PKD2L1: variants seen among roughly 807,000 people sequenced by gnomAD.
PKD2L1 encodes polycystin 2 like 1, transient receptor potential cation channel, also known as polycystin-2-like protein 1.
PKD2L1 carries 77 observed loss-of-function variants against 93.0 expected under a neutral mutation model. The observed-to-expected ratio is 0.83, with a 90% CI of 0.69 to 1.00. The LOEUF is 1.00. PKD2L1 is among the 50% of genes least tolerant of loss of function. The pLI, the probability that PKD2L1 is intolerant of heterozygous loss-of-function variation, is 0.00. For synonymous variants in PKD2L1, 390 were observed against 388.0 expected, an observed-to-expected ratio of 1.01 and a Z score of -0.06; for missense variants, 977 against 990.9, an observed-to-expected ratio of 0.99 and a Z score of 0.19.
At chr10:100,293,091 C>T in intron 10 of PKD2L1, 22 bp from the exon 11 acceptor site, 2 of 1,610,292 alleles carry the variant, frequency 1.2e-6, no homozygotes, top group Non-Finnish European at 8.5e-7. Context: ...AGGAAATAGG[C>T]ACAAGTTCTC....
chr10:100,298,572 T>C lies in PKD2L1; in HGVS notation c.721A>G (p.Asn241Asp). 6.2e-7 allele frequency: 1 copy of C among 1,614,140 alleles called. No individual in the cohort carries two copies. Among genetic ancestry groups the C allele is most frequent in the Non-Finnish European group, 8.5e-7 (1 of 1,180,000 alleles). Residue 241 changes from asparagine to aspartate, a missense_variant, in exon 4 of 16, where the codon AAT becomes GAT. Physicochemically the swap from Asn to Asp is conservative, Grantham distance 23. Transcript: ENST00000318222. The part of the protein sequence containing the change: ...KEEQLPFGPF[N>D]GTAWTYHSQD... The stretch of plus-strand genomic sequence containing the variant: ...GACAGGCTCACTCACGCTGTGCCAT[T>C]GAAGGGCCCAAAGGGGAGTTGTTCT...
chr10:100,303,658 G>A (rs542336969), intron 2 of PKD2L1, among the ~76,000 whole-genome samples: 59 of 152,084 alleles, frequency 3.9e-4, no homozygotes, highest in Non-Finnish European at 7.1e-4. Context: ...TGGCAAAGAA[G>A]GAAACATTAT....
rs1248962919 is a variant in PKD2L1 at position 100,305,104 on chromosome 10, CTCT to C, written c.350-5389_350-5387del. ...AGAAATGAAATAAGTGAATCATTTTCTCTTCTTGTCTTTTTTTTTTTTTTTGAG... is the reference window on the plus strand; with the variant it reads ...AGAAATGAAATAAGTGAATCATTTTCTCTTGTCTTTTTTTTTTTTTTTGAG... On this transcript the variant is annotated intron_variant, in intron 2 of 15. Transcript: ENST00000318222. Among the ~76,000 whole-genome samples the C allele has an allele frequency of 3.5e-5, 5 of 141,856 alleles. No homozygotes were observed. The East Asian group carries it at 1.1e-3, about 31-fold the overall frequency. The allele number at this position is 141,856 out of a possible 152,430, so 93.1% of individuals were successfully genotyped here.
At chr10:100,321,665 A>AAGAAAG (rs1436657116) in intron 2 of PKD2L1, among the ~76,000 whole-genome samples, 2 of 630 alleles carry the variant, frequency 3.2e-3, no homozygotes, top group African/African-American at 9.2e-3. Context: ...AGAGTGAGAA[A>AAGAAAG]AGAAAGAAAG....
At chr10:100,296,424 A>C in intron 6 of PKD2L1, 132 bp from the exon 7 acceptor site, 1 of 622,632 alleles carries the variant, frequency 1.6e-6, no homozygotes, top group South Asian at 2.5e-5. Context: ...TGACTTGTTC[A>C]CTATCTCAGT....
intron 1 of PKD2L1, 91 bp from the exon 2 acceptor site, chr10:100,329,415 T>C (rs1301750363): frequency 6.4e-7 from 1 of 1,569,104 alleles, no homozygotes; most frequent in African/African-American, 1.3e-5. Flanking sequence ...TTAGCCCCTT[T>C]CCACCCCTGC....
rs1167738035 is a variant in PKD2L1, at chr10:100,292,947, C to T, written c.1880+1G>A. The T allele has an allele frequency of 2.5e-6, 4 of 1,611,780 alleles. No individual in the cohort carries two copies. The highest frequency in any genetic ancestry group is 2.5e-6 in the Non-Finnish European group (3 of 1,178,982). On this transcript the variant is annotated splice_donor_variant, in intron 11 of 15. Coordinates refer to ENST00000318222, the MANE Select transcript of PKD2L1 (RefSeq NM_016112.3). LOFTEE classifies it high-confidence loss of function. ...AGAAGGCTGGGTCTCTGGTTGCTCA[C>T]TCCCTTAAGGTGTTGGTGAAATCCT...
chr10:100,300,803 T>C (rs1258523696), intron 2 of PKD2L1, among the ~76,000 whole-genome samples: 3 of 152,212 alleles, frequency 2.0e-5, no homozygotes, highest in African/African-American at 7.2e-5. Context: ...GGGAGACCCC[T>C]TTCAAACTGT....
intron 10 of PKD2L1, 58 bp downstream of exon 10, chr10:100,293,223 A>G: frequency 5.9e-6 from 9 of 1,521,476 alleles, no homozygotes; most frequent in Non-Finnish European, 8.2e-6. Flanking sequence ...ACCAGGACAC[A>G]GAGCCTTAGA....
intron 9 of PKD2L1, 65 bp downstream of exon 9, chr10:100,294,470 C>T: frequency 1.3e-6 from 2 of 1,562,240 alleles, no homozygotes; most frequent in African/African-American, 1.4e-5. Flanking sequence ...GAGTGAGGGA[C>T]ATACTAGGAC....
chr10:100,327,515 T>G (rs1391661478), intron 2 of PKD2L1, among the ~76,000 whole-genome samples: 5 of 152,134 alleles, frequency 3.3e-5, no homozygotes, highest in Non-Finnish European at 1.5e-5. Context: ...TTAGAAATGG[T>G]TCACTGTAAC....
At chr10:100,305,749 G>A (rs1190948781) in intron 2 of PKD2L1, among the ~76,000 whole-genome samples, 4 of 152,138 alleles carry the variant, frequency 2.6e-5, no homozygotes, top group African/African-American at 7.2e-5. Flanking sequence ...GCAGGAATCT[G>A]AATCTAAAAG....
chr10:100,330,009 T>A lies in PKD2L1; in HGVS notation c.95A>T (p.His32Leu), dbSNP rs2133579071. The change falls in exon 1 of 16, where the codon CAC (histidine) becomes CTC (leucine). Residue 32 changes from histidine to leucine, a missense_variant. Transcript: ENST00000318222. Reference sequence around the variant, plus strand: ...GATGGTGCAGACTCTCAGCGTCCCGTGTGGGGAAGGGGGACCACTGTAGGC... The same window carrying A: ...GATGGTGCAGACTCTCAGCGTCCCGAGTGGGGAAGGGGGACCACTGTAGGC... ...NPAYSGPPSP[H>L]GTLRVCTISS... 6.2e-7 allele frequency: 1 copy of A among 1,613,704 alleles called. No homozygotes were observed. The highest frequency in any genetic ancestry group is 8.5e-7 in the Non-Finnish European group (1 of 1,179,748).
chr10:100,314,422 G>A (rs986020125), intron 2 of PKD2L1, among the ~76,000 whole-genome samples: 2 of 152,150 alleles, frequency 1.3e-5, no homozygotes, highest in South Asian at 4.1e-4. Flanking sequence ...CCTGGGGAGA[G>A]AGAAGAGAGA....
At chr10:100,292,215 C>A (rs950527593) in intron 11 of PKD2L1, among the ~76,000 whole-genome samples, 1 of 152,062 alleles carries the variant, frequency 6.6e-6, no homozygotes, top group East Asian at 1.9e-4. Flanking sequence ...GACTTTGTCC[C>A]ATTTAATTAC....
chr10:100,321,876 C>CAGGCAGGCAGGG (rs1331006776), intron 2 of PKD2L1, among the ~76,000 whole-genome samples: 2 of 7,378 alleles, frequency 2.7e-4, no homozygotes, highest in Admixed American at 1.2e-3. Context: ...GGCAGGCAGG[C>CAGGCAGGCAGGG]AGGGAGGGAG....
At position 100,300,266 on chromosome 10, in the gene PKD2L1, G is replaced by T. The variant is rs564084209; in HGVS notation, c.350-548C>A. ...GGTAGGCACAGCACCTCTGTCCCTG[G>T]CATGACTAGTACGATCAGATGGGCA... On this transcript the variant is annotated intron_variant, in intron 2 of 15. Transcript: ENST00000318222. Among the ~76,000 whole-genome samples the T allele has an allele frequency of 1.1e-3, 174 of 152,228 alleles. 1 individual carries two copies. The highest frequency in any genetic ancestry group is 4.1e-3 in the African/African-American group (172 of 41,536).
chr10:100,288,938 C>A, intron 15 of PKD2L1, 34 bp downstream of exon 15: 1 of 1,427,522 alleles, frequency 7.0e-7, no homozygotes, highest in Non-Finnish European at 9.7e-7. Flanking sequence ...GGGAGGGAAG[C>A]CTGCTGTCTG....
At chr10:100,327,631 G>A (rs920849384) in intron 2 of PKD2L1, among the ~76,000 whole-genome samples, 4 of 152,170 alleles carry the variant, frequency 2.6e-5, no homozygotes, top group African/African-American at 4.8e-5. Flanking sequence ...CTGCTGTCAC[G>A]GGATCTGAAA....
Sources: allele counts gnomAD v4.1 joint callset (sites outside exome capture counted in the v4.1 genomes callset), GRCh38; gene constraint gnomAD v4.1.1; transcripts MANE v1.5; gene names NCBI Gene and HGNC (gene_info 2026-07-23, HGNC 2026-07-21).